SMIM36: variants seen among roughly 807,000 people sequenced by gnomAD.
SMIM36 encodes small integral membrane protein 36.
rs528655103 is a variant in SMIM36 at position 55,501,330 on chromosome 17, T to G, written c.*174+9549A>C. The stretch of plus-strand genomic sequence containing the variant: ...ATGTTATATATTATATTTTATAATA[T>G]ATAATATATTATATATTATATTTTA... On this transcript the variant is annotated intron_variant, in intron 1 of 4. Transcript: ENST00000636752. Among the ~76,000 whole-genome samples, 419 of 84,640 alleles carry G rather than the reference T, an allele frequency of 5.0e-3. 66 individuals are homozygous for G. The highest frequency in any genetic ancestry group is 0.02 in the African/African-American group (376 of 18,552). The allele number at this position is 84,640 out of a possible 152,430, so 55.5% of individuals were successfully genotyped here.
intron 4 of SMIM36, 97 bp from the exon 5 acceptor site, chr17:55,450,395 T>C (rs1296813746): frequency 6.6e-6 from 1 of 152,244 alleles, no homozygotes; most frequent in Non-Finnish European, 1.5e-5. Flanking sequence ...GCATATCTAA[T>C]CTTTGACCTT....
the SMIM36 span, among the ~76,000 whole-genome samples, chr17:55,524,931 T>C: frequency 3.9e-5 from 6 of 152,298 alleles, no homozygotes; most frequent in East Asian, 9.6e-4. Flanking sequence ...CTGCTTTACA[T>C]GCACTGAGCC....
At position 55,481,960 on chromosome 17, in the gene SMIM36, G is replaced by A. The variant is rs1200011890; in HGVS notation, c.*175-2380C>T. Among the ~76,000 whole-genome samples the A allele has an allele frequency of 2.0e-5, 3 of 152,116 alleles. No individual in the cohort carries two copies. In the East Asian group the frequency reaches 5.8e-4, roughly 29 times the overall value. ...GATTCTCCTGCATCGACCTCCCAAA[G>A]TGCTGGGATTACAGGCATGTGTCAC... is the stretch of plus-strand genomic sequence containing the variant. On this transcript the variant is annotated intron_variant, in intron 1 of 4. Transcript: ENST00000636752.
At chr17:55,530,154 GA>G in the SMIM36 span, among the ~76,000 whole-genome samples, 2 of 152,252 alleles carry the variant, frequency 1.3e-5, no homozygotes, top group South Asian at 4.1e-4. Context: ...ACTCCATGGG[GA>G]TTTGGCAAAA....
intron 3 of SMIM36, among the ~76,000 whole-genome samples, chr17:55,476,195 C>G (rs1190756479): frequency 6.6e-6 from 1 of 152,144 alleles, no homozygotes; most frequent in African/African-American, 2.4e-5. Context: ...CCAGTTCCTG[C>G]CTTAACTGAT....
At chr17:55,485,616 T>C (rs1909590808) in intron 1 of SMIM36, among the ~76,000 whole-genome samples, 1 of 152,162 alleles carries the variant, frequency 6.6e-6, no homozygotes. Flanking sequence ...AAAACCAACA[T>C]GGTCTATGGT....
upstream of SMIM36, among the ~76,000 whole-genome samples, chr17:55,511,869 C>G (rs928965701): frequency 6.6e-6 from 1 of 152,200 alleles, no homozygotes; most frequent in African/African-American, 2.4e-5. Flanking sequence ...GATATTTTCA[C>G]CCTTTCTTCA....
upstream of SMIM36, among the ~76,000 whole-genome samples, chr17:55,512,618 T>C (rs887551475): frequency 6.6e-6 from 1 of 152,278 alleles, no homozygotes; most frequent in East Asian, 1.9e-4. Flanking sequence ...TTCATGGGCA[T>C]GTGCCCTGTG....
chr17:55,527,478 T>C, the SMIM36 span, among the ~76,000 whole-genome samples: 1 of 152,068 alleles, frequency 6.6e-6, no homozygotes, highest in Non-Finnish European at 1.5e-5. Flanking sequence ...TCGCTAGGCC[T>C]GTGGGATCCA....
At chr17:55,483,214 A>C (rs1909548159) in intron 1 of SMIM36, among the ~76,000 whole-genome samples, 1 of 152,228 alleles carries the variant, frequency 6.6e-6, no homozygotes, top group Non-Finnish European at 1.5e-5. Context: ...TTACAAATTC[A>C]AATGTTTCTT....
the SMIM36 span, among the ~76,000 whole-genome samples, chr17:55,526,432 T>A: frequency 4.3e-4 from 66 of 152,306 alleles, no homozygotes; most frequent in African/African-American, 1.4e-3. Context: ...GTGCTGGGAT[T>A]ACAGGTGTGA....
chr17:55,529,192 G>A, the SMIM36 span, among the ~76,000 whole-genome samples: 1 of 152,196 alleles, frequency 6.6e-6, no homozygotes, highest in African/African-American at 2.4e-5. Context: ...GTTTCCTCTT[G>A]CTGCAGTATA....
At chr17:55,527,127 T>C in the SMIM36 span, 4 of 152,204 alleles carry the variant, frequency 2.6e-5, no homozygotes, top group East Asian at 1.9e-4. Flanking sequence ...AGAAACAGAA[T>C]GTGATTCTGC....
At chr17:55,513,108 G>C (rs565468494), upstream of SMIM36, among the ~76,000 whole-genome samples, 1 of 152,278 alleles carries the variant, frequency 6.6e-6, no homozygotes, top group South Asian at 2.1e-4. Context: ...GGAATCTATT[G>C]GGTCTCTTTT....
chr17:55,495,477 T>C (rs1451410761), intron 1 of SMIM36, among the ~76,000 whole-genome samples: 1 of 152,162 alleles, frequency 6.6e-6, no homozygotes, highest in African/African-American at 2.4e-5. Context: ...AATCTCTGTA[T>C]AAACAGTGCT....
At chr17:55,514,154 T>G (rs1910227592), upstream of SMIM36, among the ~76,000 whole-genome samples, 2 of 152,188 alleles carry the variant, frequency 1.3e-5, no homozygotes, top group South Asian at 4.1e-4. Flanking sequence ...CTCACCCATC[T>G]TTCCTTCTTT....
chr17:55,513,886 C>T (rs1016295668), upstream of SMIM36, among the ~76,000 whole-genome samples: 3 of 152,128 alleles, frequency 2.0e-5, no homozygotes, highest in East Asian at 5.8e-4. Context: ...TCTGGTCTGG[C>T]CTGTCTTCTT....
intron 1 of SMIM36, among the ~76,000 whole-genome samples, chr17:55,481,577 T>C (rs1909521299): frequency 6.6e-6 from 1 of 152,196 alleles, no homozygotes; most frequent in Non-Finnish European, 1.5e-5. Context: ...TATTTTATGT[T>C]TAGGAAGCAC....
rs114638807 is a variant in SMIM36 at position 55,450,888 on chromosome 17, T to C, written c.*532-590A>G. On this transcript the variant is annotated intron_variant, in intron 4 of 4. Coordinates refer to ENST00000636752, the Ensembl canonical transcript of SMIM36. ...CAACTCTCTGCTTAAAGATCCATAG[T>C]GGCTTCTTTTTTTTTTGAGACGGAG... is the stretch of plus-strand genomic sequence containing the variant. Among the ~76,000 whole-genome samples the C allele has an allele frequency of 6.8e-3, 1,036 of 152,280 alleles. 14 individuals carry two copies. Among genetic ancestry groups the C allele is most frequent in the African/African-American group, 0.024 (994 of 41,554 alleles).
Sources: allele counts gnomAD v4.1 joint callset (sites outside exome capture counted in the v4.1 genomes callset), GRCh38; gene constraint gnomAD v4.1.1; transcripts MANE v1.5; gene names NCBI Gene and HGNC (gene_info 2026-07-23, HGNC 2026-07-21).